RNF214: variants seen among roughly 807,000 people sequenced by gnomAD.
RNF214 encodes ring finger protein 214.
RNF214 carries 25 observed loss-of-function variants against 75.9 expected under a neutral mutation model. The observed-to-expected ratio is 0.33, with a 90% CI of 0.24 to 0.46. The LOEUF (loss-of-function observed/expected upper bound fraction) is 0.46. Ranked by LOEUF, RNF214 falls within the 20% of genes least tolerant of loss-of-function variation. RNF214 has a pLI of 1.00. For synonymous variants in RNF214, 314 were observed against 308.8 expected, an observed-to-expected ratio of 1.02 and a Z score of -0.18; for missense variants, 725 against 857.5, an observed-to-expected ratio of 0.85 and a Z score of 1.93.
intron 5 of RNF214, among the ~76,000 whole-genome samples, chr11:117,245,532 C>T (rs2033196975): frequency 1.3e-5 from 2 of 151,470 alleles, no homozygotes; most frequent in Non-Finnish European, 2.9e-5. Flanking sequence ...TTAATAGAGA[C>T]GGGGTTTCAC....
chr11:117,250,759 C>T lies in RNF214; in HGVS notation c.959+3811C>T, dbSNP rs868029419. Among the ~76,000 whole-genome samples the T allele has an allele frequency of 5.5e-3, 778 of 142,170 alleles. 6 individuals carry two copies. Among genetic ancestry groups the T allele is most frequent in the Non-Finnish European group, 8.5e-3 (554 of 65,014 alleles). The allele number at this position is 142,170 out of a possible 152,430, so 93.3% of individuals were successfully genotyped here. Reference sequence around the variant, plus strand: ...TGGTTTTCCTAGGCAGAGGACCCTGCGGCCTTCCGCAGTGTTTGTGTCCCT... The same window carrying T: ...TGGTTTTCCTAGGCAGAGGACCCTGTGGCCTTCCGCAGTGTTTGTGTCCCT... On this transcript the variant is annotated intron_variant, in intron 6 of 14. Coordinates refer to ENST00000300650, the MANE Select transcript of RNF214 (RefSeq NM_207343.4).
chr11:117,267,011 G>T (rs187150398), intron 6 of RNF214, among the ~76,000 whole-genome samples: 1 of 150,992 alleles, frequency 6.6e-6, no homozygotes, highest in Admixed American at 6.6e-5. Flanking sequence ...GCCAGACATG[G>T]TGGCTCATGC....
chr11:117,241,272 C>T (rs938235264), intron 4 of RNF214, among the ~76,000 whole-genome samples: 1 of 151,442 alleles, frequency 6.6e-6, no homozygotes, highest in South Asian at 2.1e-4. Context: ...ACCCAGGAGG[C>T]TGAGGTGGCA....
chr11:117,282,568 C>T (rs763036542), intron 12 of RNF214, 32 bp downstream of exon 12: 1 of 1,610,594 alleles, frequency 6.2e-7, no homozygotes, highest in Non-Finnish European at 8.5e-7. Flanking sequence ...AGAACTTAGG[C>T]ATGTTGAGGG....
At chr11:117,236,312 C>T (rs2032909493) in intron 2 of RNF214, among the ~76,000 whole-genome samples, 2 of 151,316 alleles carry the variant, frequency 1.3e-5, no homozygotes, top group Admixed American at 1.3e-4. Flanking sequence ...CTTGCTCCGT[C>T]ACCCAGGCTG....
intron 6 of RNF214, among the ~76,000 whole-genome samples, chr11:117,278,494 T>A (rs889828633): frequency 6.6e-6 from 1 of 152,206 alleles, no homozygotes; most frequent in Admixed American, 6.5e-5. Flanking sequence ...GCTGGCTGTG[T>A]TGCTTAACGG....
intron 14 of RNF214, among the ~76,000 whole-genome samples, chr11:117,284,684 C>G (rs564653633): frequency 6.6e-6 from 1 of 152,266 alleles, no homozygotes; most frequent in East Asian, 1.9e-4. Context: ...AATCCCAGCA[C>G]TTTGGGAGGC....
Position 117,281,615 on chromosome 11 carries a change from C to A in RNF214, c.1252C>A (p.His418Asn). ...KKNVRDQFNS[H>N]IQLVRNGAKL... The stretch of plus-strand genomic sequence containing the variant: ...TTTTTTTTAGGACCAATTTAATAGT[C>A]ATATCCAGTTAGTGAGGAACGGAGC... Residue 418 changes from histidine (H) to asparagine (N), a missense_variant, in exon 10 of 15, where the codon CAT becomes AAT. Coordinates refer to ENST00000300650, the MANE Select transcript of RNF214 (RefSeq NM_207343.4). 1 of 1,610,754 alleles carries A rather than the reference C, an allele frequency of 6.2e-7. No individual in the cohort carries two copies. Among genetic ancestry groups the A allele is most frequent in the South Asian group, 1.1e-5 (1 of 90,944 alleles).
intron 8 of RNF214, 39 bp downstream of exon 8, chr11:117,280,298 AGTTTGTTT>A (rs3832781): frequency 3.1e-6 from 4 of 1,309,330 alleles, no homozygotes; most frequent in Admixed American, 1.7e-5. Context: ...ATTGTTTTGC[AGTTTGTTT>A]GTTTGTTTGT....
intron 6 of RNF214, among the ~76,000 whole-genome samples, chr11:117,259,741 T>A (rs1300948985): frequency 6.6e-6 from 1 of 152,178 alleles, no homozygotes; most frequent in East Asian, 1.9e-4. Context: ...GTGTCTAACT[T>A]TTTTATTCCT....
At chr11:117,264,297 T>G (rs1379700647) in intron 6 of RNF214, among the ~76,000 whole-genome samples, 1 of 152,050 alleles carries the variant, frequency 6.6e-6, no homozygotes, top group Non-Finnish European at 1.5e-5. Flanking sequence ...CACTCCAGCC[T>G]GGGTGACAGA....
chr11:117,239,344 A>G (rs1042855274), intron 3 of RNF214: 6 of 555,996 alleles, frequency 1.1e-5, no homozygotes, highest in Non-Finnish European at 1.6e-5. Context: ...TAGGAACTTT[A>G]TGACCTACGT....
chr11:117,283,593 T>G (rs539863048), intron 14 of RNF214, among the ~76,000 whole-genome samples: 10 of 152,290 alleles, frequency 6.6e-5, no homozygotes, highest in African/African-American at 2.4e-4. Context: ...ACTCCTGACC[T>G]TGTGATCCGC....
At position 117,238,808 on chromosome 11, in the gene RNF214, T is replaced by C. The variant is rs2032987942; in HGVS notation, c.315T>C (p.Ser105=). Residue 105 remains serine (S), a synonymous_variant, in exon 3 of 15, where the codon TCT becomes TCC. Transcript: ENST00000300650. ...ATALCLSGSG[S]QSDLKDVAST... ...CCCTTTGTCTTTCTGGCAGTGGGTC[T>C]CAGTCTGATTTGAAGGATGTGGCCA... The C allele has an allele frequency of 6.2e-7, 1 of 1,614,046 alleles. No individual in the cohort carries two copies. Among genetic ancestry groups the C allele is most frequent in the Non-Finnish European group, 8.5e-7 (1 of 1,180,036 alleles).
Position 117,238,797 on chromosome 11 carries a change from G to A in RNF214, c.304G>A (p.Gly102Ser). The A allele has an allele frequency of 6.2e-7, 1 of 1,614,178 alleles. No individual in the cohort carries two copies. Among genetic ancestry groups the A allele is most frequent in the Non-Finnish European group, 8.5e-7 (1 of 1,180,028 alleles). ...NLIATALCLS[G>S]SGSQSDLKDV... ...GATAGCCACAGCCCTTTGTCTTTCT[G>A]GCAGTGGGTCTCAGTCTGATTTGAA... Residue 102 changes from glycine to serine, a missense_variant, in exon 3 of 15, where the codon GGC becomes AGC. Around this residue, in one of 2 missense-constraint regions of RNF214, gnomAD observed 362 missense variants for 344.5 expected, o/e 1.05. Transcript: ENST00000300650.
At chr11:117,245,343 C>T (rs1437875401) in intron 5 of RNF214, among the ~76,000 whole-genome samples, 1 of 139,696 alleles carries the variant, frequency 7.2e-6, no homozygotes, top group South Asian at 2.3e-4. Flanking sequence ...TACTCATAGA[C>T]TTTTTTTTTT....
chr11:117,245,374 C>T (rs1289715191), intron 5 of RNF214, among the ~76,000 whole-genome samples: 4 of 149,548 alleles, frequency 2.7e-5, no homozygotes, highest in Admixed American at 6.6e-5. Context: ...GAGTCTCGCT[C>T]TGTCACCCAG....
rs1381764142 is a variant in RNF214, at chr11:117,281,294, TC to T, written c.1146-18del. ...CAGGGCTTTCTTTAAATCTGTAAAT[TC>T]CTGTTGGTTTCTTGAAAGGTCAACT... On this transcript the variant is annotated intron_variant, in intron 8 of 14. Coordinates refer to ENST00000300650, the MANE Select transcript of RNF214 (RefSeq NM_207343.4). The T allele has an allele frequency of 1.5e-5, 23 of 1,580,420 alleles. No homozygotes were observed. The highest frequency in any genetic ancestry group is 2.0e-5 in the Non-Finnish European group (23 of 1,149,684).
intron 4 of RNF214, among the ~76,000 whole-genome samples, chr11:117,242,937 C>T (rs916491343): frequency 2.6e-5 from 4 of 152,116 alleles, no homozygotes; most frequent in African/African-American, 9.7e-5. Context: ...ATTCTTATCT[C>T]AGAAAAATAT....
Sources: gnomAD v4.1 joint callset for allele counts (sites outside exome capture counted in the v4.1 genomes callset) on GRCh38, gnomAD v4.1.1 for gene constraint, gnomAD v4.1.1 regional missense constraint, MANE v1.5 for transcripts, NCBI Gene and HGNC (gene_info 2026-07-23, HGNC 2026-07-21) for gene names.